The following PCSK2 variants were observed in gnomAD, a reference collection of about 807,000 sequenced individuals.
PCSK2 encodes proprotein convertase subtilisin/kexin type 2.
PCSK2 carries 14 observed loss-of-function variants against 69.7 expected under a neutral mutation model. The ratio of observed to expected loss-of-function variants is 0.20; its 90% CI spans 0.13 to 0.31. The LOEUF is 0.31. PCSK2 is among the 10% of genes least tolerant of loss of function. The pLI is 1.00. For synonymous variants in PCSK2, 307 were observed against 320.7 expected, an observed-to-expected ratio of 0.96 and a Z score of 0.46; for missense variants, 544 against 842.5, an observed-to-expected ratio of 0.65 and a Z score of 4.39.
intron 2 of PCSK2, among the ~76,000 whole-genome samples, chr20:17,310,208 C>A (rs558376713): frequency 6.6e-6 from 1 of 152,150 alleles, no homozygotes; most frequent in African/African-American, 2.4e-5. Context: ...TTCCAACCAC[C>A]ACACTGTCCC....
chr20:17,257,582 C>A (rs533286614), intron 1 of PCSK2, among the ~76,000 whole-genome samples: 1 of 152,114 alleles, frequency 6.6e-6, no homozygotes, highest in Non-Finnish European at 1.5e-5. Context: ...AATAGTTAGC[C>A]AATGACAGGG....
intron 2 of PCSK2, among the ~76,000 whole-genome samples, chr20:17,277,611 AAAC>A (rs755295900): frequency 0.16 from 22,392 of 137,578 alleles, 1,970 homozygotes; most frequent in Middle Eastern, 0.24. Context: ...AAAACCATAA[AAAC>A]CCTAGAAGAA....
chr20:17,336,467 C>T (rs1279211104), intron 2 of PCSK2, among the ~76,000 whole-genome samples: 2 of 152,300 alleles, frequency 1.3e-5, no homozygotes, highest in East Asian at 3.9e-4. Flanking sequence ...TGATGGGAGG[C>T]TGTTTAAATG....
intron 2 of PCSK2, among the ~76,000 whole-genome samples, chr20:17,304,584 C>T: frequency 6.6e-6 from 1 of 152,194 alleles, no homozygotes; most frequent in East Asian, 1.9e-4. Flanking sequence ...CCTATTTTCT[C>T]TACTTAGAAA....
Position 17,400,690 on chromosome 20 carries a change from C to G in PCSK2, c.544-8573C>G, listed in dbSNP as rs562650827. Among the ~76,000 whole-genome samples the G allele has an allele frequency of 2.0e-5, 3 of 152,296 alleles. No homozygotes were observed. In the South Asian group the frequency reaches 6.2e-4, roughly 32 times the overall value. On this transcript the variant is annotated intron_variant, in intron 5 of 11. Transcript: ENST00000262545. Reference sequence around the variant, plus strand: ...CCAGGCAAAGTACTGTAAAAAGACCCTTGTGCTTCTTCTCAGAACTACTCT... The same window carrying G: ...CCAGGCAAAGTACTGTAAAAAGACCGTTGTGCTTCTTCTCAGAACTACTCT...
chr20:17,461,456 A>G (rs2033012901), intron 10 of PCSK2, among the ~76,000 whole-genome samples: 1 of 152,226 alleles, frequency 6.6e-6, no homozygotes, highest in Admixed American at 6.5e-5. Flanking sequence ...AGAGAAGTGA[A>G]ACAACTTGCT....
At chr20:17,333,909 GCATATATATA>G (rs1990270364) in intron 2 of PCSK2, among the ~76,000 whole-genome samples, 2 of 42,020 alleles carry the variant, frequency 4.8e-5, no homozygotes, top group Non-Finnish European at 9.5e-5. Context: ...CTAAGTCACT[GCATATATATA>G]TATATATATA....
intron 8 of PCSK2, among the ~76,000 whole-genome samples, chr20:17,452,680 T>C (rs1421211702): frequency 6.6e-6 from 1 of 152,248 alleles, no homozygotes; most frequent in East Asian, 1.9e-4. Context: ...AGGTTGCACC[T>C]GCCCCTTGCC....
At chr20:17,241,077 C>T (rs1261590676) in intron 1 of PCSK2, among the ~76,000 whole-genome samples, 1 of 152,138 alleles carries the variant, frequency 6.6e-6, no homozygotes, top group Non-Finnish European at 1.5e-5. Flanking sequence ...TCCATGTAAA[C>T]AAGTCCAGAA....
chr20:17,284,664 G>A (rs528135731), intron 2 of PCSK2, among the ~76,000 whole-genome samples: 7 of 152,270 alleles, frequency 4.6e-5, no homozygotes, highest in East Asian at 1.9e-4. Context: ...TTTGTTGCCC[G>A]ATGTGCATGG....
At chr20:17,296,633 AAG>A (rs1988903152) in intron 2 of PCSK2, among the ~76,000 whole-genome samples, 2 of 152,222 alleles carry the variant, frequency 1.3e-5, no homozygotes, top group Non-Finnish European at 2.9e-5. Context: ...TAGGGAAGGA[AAG>A]AGAGCACGTG....
chr20:17,258,844 A>G (rs1987274353), intron 1 of PCSK2, among the ~76,000 whole-genome samples: 1 of 151,630 alleles, frequency 6.6e-6, no homozygotes, highest in African/African-American at 2.4e-5. Context: ...ACTATTAAGG[A>G]AATAATCATT....
At chr20:17,464,540 G>A (rs2033067314) in intron 10 of PCSK2, 1 of 152,268 alleles carries the variant, frequency 6.6e-6, no homozygotes, top group East Asian at 1.9e-4. Context: ...GCACTCAGAA[G>A]CTCCCTGTAT....
intron 6 of PCSK2, among the ~76,000 whole-genome samples, chr20:17,422,342 C>G (rs889694375): frequency 6.6e-6 from 1 of 151,874 alleles, no homozygotes; most frequent in Non-Finnish European, 1.5e-5. Flanking sequence ...CATAGCTGAT[C>G]AAATAGTTAT....
chr20:17,347,899 AG>A (rs1477359900), intron 2 of PCSK2, among the ~76,000 whole-genome samples: 580 of 44,662 alleles, frequency 0.013, 45 homozygotes, highest in Middle Eastern at 0.049. Context: ...AAAGAAAGAA[AG>A]AAAGAAAGAA....
At chr20:17,251,499 T>C (rs572566291) in intron 1 of PCSK2, among the ~76,000 whole-genome samples, 59 of 152,348 alleles carry the variant, frequency 3.9e-4, no homozygotes, top group African/African-American at 1.3e-3. Flanking sequence ...TATCTGCTGA[T>C]CTGAGTCCAG....
intron 9 of PCSK2, among the ~76,000 whole-genome samples, chr20:17,454,485 A>G (rs964646727): frequency 6.6e-6 from 1 of 152,154 alleles, no homozygotes; most frequent in African/African-American, 2.4e-5. Context: ...TGGAGCCATG[A>G]TTTTTAGAAC....
At chr20:17,303,443 A>C (rs62202216) in intron 2 of PCSK2, among the ~76,000 whole-genome samples, 2 of 49,868 alleles carry the variant, frequency 4.0e-5, no homozygotes, top group African/African-American at 1.6e-4. Flanking sequence ...ATATAATATA[A>C]TATATATTAT....
chr20:17,384,803 C>T (rs925143778), intron 5 of PCSK2, among the ~76,000 whole-genome samples: 1 of 152,036 alleles, frequency 6.6e-6, no homozygotes, highest in Non-Finnish European at 1.5e-5. Context: ...AATGGTGGTG[C>T]ATCTGTAGTC....
Sources: gnomAD v4.1 joint callset for allele counts (sites outside exome capture counted in the v4.1 genomes callset) on GRCh38, gnomAD v4.1.1 for gene constraint, MANE v1.5 for transcripts, NCBI Gene and HGNC (gene_info 2026-07-23, HGNC 2026-07-21) for gene names.